LONP1: variants seen among roughly 807,000 people sequenced by gnomAD.
The protein encoded by LONP1 is lon protease homolog, mitochondrial.
LONP1 carries 31 observed loss-of-function variants against 98.5 expected under a neutral mutation model. The ratio of observed to expected loss-of-function variants is 0.31; its 90% CI spans 0.24 to 0.42. The LOEUF is 0.42. Ranked by LOEUF, LONP1 falls within the 20% of genes least tolerant of loss-of-function variation. The pLI is 1.00. For missense variants in LONP1, 1,336 were observed against 1,350.6 expected (o/e 0.99, Z 0.17); for synonymous variants, 781 against 594.7 (o/e 1.31, Z -4.56).
In LONP1 at chr19:5,693,672, C is replaced by T. The variant is rs771579047; in HGVS notation, c.2418G>A (p.Leu806=). 6 of 1,614,120 alleles carry T rather than the reference C, an allele frequency of 3.7e-6. No homozygotes were observed. In the African/African-American group the frequency reaches 4.0e-5, roughly 11 times the overall value. The change falls in exon 16 of 18, where the codon CTG becomes CTA. Residue 806 remains leucine, a synonymous_variant. Coordinates refer to ENST00000360614, the MANE Select transcript of LONP1 (RefSeq NM_004793.4). Reference sequence around the variant, plus strand: ...GGGCGCTCTCCTTCATCACCTCCCCCAGCTGGCCTGTCACCTCCAGGCTGC... The same window carrying T: ...GGGCGCTCTCCTTCATCACCTCCCCTAGCTGGCCTGTCACCTCCAGGCTGC... The part of the protein sequence containing the change: ...KDGSLEVTGQ[L]GEVMKESARI...
chr19:5,704,294 G>T (rs1415291577), intron 8 of LONP1, among the ~76,000 whole-genome samples: 1 of 152,224 alleles, frequency 6.6e-6, no homozygotes, highest in Non-Finnish European at 1.5e-5. Flanking sequence ...GGATCTCAGG[G>T]CTCGGCATTG....
chr19:5,694,845 C>T lies in LONP1; in HGVS notation c.2070G>A (p.Lys690=). 1.2e-6 allele frequency: 2 copies of T among 1,604,620 alleles called. No individual in the cohort carries two copies. Among genetic ancestry groups the T allele is most frequent in the Non-Finnish European group, 1.7e-6 (2 of 1,173,198 alleles). ...ALCGLDESKA[K]LSSDVLTLLI... The stretch of plus-strand genomic sequence containing the variant: ...GCAGCGTCAGCACGTCCGATGACAG[C>T]TTGGCCTTGCTCTCATCCAAGCCAC... Residue 690 remains lysine, a synonymous_variant, in exon 14 of 18, where the codon AAG becomes AAA. Transcript: ENST00000360614.
rs199574163 is a variant in LONP1 at position 5,696,334 on chromosome 19, G to A, written c.1811C>T (p.Ser604Leu). ...KIGRGYQGDP[S>L]SALLELLDPE... ...GTCCAGCAGCTCCAGCAGTGCCGAC[G>A]ACGGGTCCCCCTGGTAGCCTCGGCC... Residue 604 changes from serine (S) to leucine (L), a missense_variant, in exon 12 of 18, where the codon TCG (serine) becomes TTG (leucine). Ser to Leu is a moderately radical substitution (Grantham distance 145). Transcript: ENST00000360614. 18 of 1,613,164 alleles carry A rather than the reference G, an allele frequency of 1.1e-5. No homozygotes were observed. Among genetic ancestry groups the A allele is most frequent in the Non-Finnish European group, 1.4e-5 (16 of 1,179,888 alleles).
At chr19:5,707,382 C>T (rs2055163611) in intron 6 of LONP1, among the ~76,000 whole-genome samples, 1 of 152,190 alleles carries the variant, frequency 6.6e-6, no homozygotes, top group South Asian at 2.1e-4. Flanking sequence ...GAGTGCTGCT[C>T]ACAACAGCAA....
At chr19:5,695,046 C>T in intron 13 of LONP1, 145 bp from the exon 14 acceptor site, 1 of 947,470 alleles carries the variant, frequency 1.1e-6, no homozygotes, top group Non-Finnish European at 1.5e-6. Context: ...GCCTGGACAC[C>T]CCGCCCTGCC....
At position 5,696,764 on chromosome 19, in the gene LONP1, GT is replaced by G. The variant is rs770370766; in HGVS notation, c.1686-8del. On this transcript the variant is annotated splice_region_variant and splice_polypyrimidine_tract_variant and intron_variant, in intron 10 of 17. Transcript: ENST00000360614. ...GGCGCCCACGTAGGTCCGCCTGTGG[GT>G]GCACAGCGGGGTCAGAGGTCACTTG... is the stretch of plus-strand genomic sequence containing the variant. 2 of 1,603,998 alleles carry G rather than the reference GT, an allele frequency of 1.2e-6. No homozygotes were observed. Among genetic ancestry groups the G allele is most frequent in the Non-Finnish European group, 1.7e-6 (2 of 1,171,922 alleles).
intron 13 of LONP1, 55 bp downstream of exon 13, chr19:5,695,999 G>A (rs1189724215): frequency 6.6e-7 from 1 of 1,510,704 alleles, no homozygotes; most frequent in South Asian, 1.2e-5. Context: ...TGCAGGCTCT[G>A]GGGGGCGCCC....
intron 1 of LONP1, among the ~76,000 whole-genome samples, chr19:5,715,632 ACT>A (rs1325295121): frequency 9.2e-6 from 1 of 108,672 alleles, no homozygotes; most frequent in African/African-American, 3.6e-5. Flanking sequence ...ACAGAGTGAG[ACT>A]CTGTCTCATA....
rs2054876577 is a variant in LONP1, at chr19:5,693,845, C to T, written c.2321-76G>A. 7 of 1,226,634 alleles carry T rather than the reference C, an allele frequency of 5.7e-6. No individual in the cohort carries two copies. In the South Asian group the frequency reaches 9.0e-5, roughly 16 times the overall value. The allele number at this position is 1,226,634 out of a possible 1,614,324, so 76.0% of individuals were successfully genotyped here. A position where few individuals can be genotyped will look rare whatever the true frequency, so the allele number is the denominator to read the frequency against. ...GTGCTCACTCCACCCCTCGGGGCCA[C>T]TCTGACCGCTCCTGCCCCAGTTTAG... On this transcript the variant is annotated intron_variant, in intron 15 of 17. Coordinates refer to ENST00000360614, the MANE Select transcript of LONP1 (RefSeq NM_004793.4).
At chr19:5,720,229 C>G (rs1345296308), upstream of LONP1, 1 of 1,376,808 alleles carries the variant, frequency 7.3e-7, no homozygotes, top group South Asian at 1.7e-5. Context: ...CCGATGGGCG[C>G]GTGGCTCGAA....
chr19:5,716,275 T>TATATATATATATATAG (rs2055320456), intron 1 of LONP1, among the ~76,000 whole-genome samples: 2 of 84,182 alleles, frequency 2.4e-5, no homozygotes, highest in Admixed American at 2.2e-4. Flanking sequence ...TATATATATA[T>TATATATATATATATAG]ATATATATAT....
At chr19:5,705,702 CT>C in intron 8 of LONP1, 69 bp downstream of exon 8, 2 of 1,463,016 alleles carry the variant, frequency 1.4e-6, no homozygotes, top group Non-Finnish European at 1.9e-6. Flanking sequence ...GCTGGGTCCC[CT>C]GGCCTGCCTA....
At chr19:5,708,122 C>T in intron 5 of LONP1, 2 of 615,248 alleles carry the variant, frequency 3.3e-6, no homozygotes, top group Non-Finnish European at 5.7e-6. Context: ...AGCTTCCGGC[C>T]TCAGCAGAAG....
chr19:5,709,164 G>A (rs1325447666), intron 4 of LONP1, among the ~76,000 whole-genome samples: 1 of 150,694 alleles, frequency 6.6e-6, no homozygotes, highest in Non-Finnish European at 1.5e-5. Context: ...ACGGGCATAA[G>A]CAACTGCACC....
At position 5,693,333 on chromosome 19, in the gene LONP1, G is replaced by A. The variant is rs1434183082; in HGVS notation, c.2668C>T (p.Leu890=). The A allele has an allele frequency of 2.5e-6, 4 of 1,613,294 alleles. No homozygotes were observed. The highest frequency in any genetic ancestry group is 2.2e-5 in the East Asian group (1 of 44,830). The change falls in exon 17 of 18, where the codon CTG becomes TTG. Residue 890 remains leucine, a synonymous_variant. Coordinates refer to ENST00000360614, the MANE Select transcript of LONP1 (RefSeq NM_004793.4). ...TTCTCCTTGATGCCACCAACAGGCA[G>A]GATCTTGCCCGTGAGGGAGACTTCG... The part of the protein sequence containing the change: ...TGEVSLTGKI[L]PVGGIKEKTI...
Position 5,714,184 on chromosome 19 carries a change from T to C in LONP1, c.517A>G (p.Ser173Gly). Reference protein sequence around the residue: ...YVGVFLKRDDSNESDVVESLD... With the variant: ...YVGVFLKRDDGNESDVVESLD... ...GAATGAAGGAAAAATCACACTTACC[T>C]GTCATCTCTCTTTAGAAAGACGCCG... The change falls in exon 2 of 18, where the codon AGC becomes GGC. Residue 173 changes from serine to glycine, a missense_variant and splice_region_variant. Transcript: ENST00000360614. The C allele has an allele frequency of 6.2e-7, 1 of 1,612,268 alleles. No individual in the cohort carries two copies. Among genetic ancestry groups the C allele is most frequent in the Non-Finnish European group, 8.5e-7 (1 of 1,179,016 alleles).
chr19:5,705,391 G>A (rs1190741326), intron 8 of LONP1, among the ~76,000 whole-genome samples: 16 of 148,556 alleles, frequency 1.1e-4, no homozygotes, highest in African/African-American at 4.0e-4. Context: ...CCGCAAAGCG[G>A]AAGTTGCAGT....
chr19:5,714,113 G>C, intron 2 of LONP1, 70 bp downstream of exon 2: 1 of 1,242,722 alleles, frequency 8.0e-7, no homozygotes. Flanking sequence ...GCAAAGTACA[G>C]AGTAGGACTT....
chr19:5,696,436 A>G lies in LONP1; in HGVS notation c.1774-65T>C, dbSNP rs1286769603. The G allele has an allele frequency of 4.5e-6, 7 of 1,567,554 alleles. No homozygotes were observed. In the African/African-American group the frequency reaches 6.7e-5, roughly 15 times the overall value. On this transcript the variant is annotated intron_variant, in intron 11 of 17. Transcript: ENST00000360614. ...CCTGGCCAGCCCGCCCAGTGGGGAGACCCCAGGGTCAGGGCTGGGGAGACC... is the reference window on the plus strand; with the variant it reads ...CCTGGCCAGCCCGCCCAGTGGGGAGGCCCCAGGGTCAGGGCTGGGGAGACC...
Sources: allele counts gnomAD v4.1 joint callset (sites outside exome capture counted in the v4.1 genomes callset), GRCh38; gene constraint gnomAD v4.1.1; transcripts MANE v1.5; gene names NCBI Gene and HGNC (gene_info 2026-07-23, HGNC 2026-07-21).